The following CCDC122 variants were observed in gnomAD, a reference collection of about 807,000 sequenced individuals.
CCDC122 encodes the protein coiled-coil domain containing 122.
Under a neutral mutation model 37.0 loss-of-function variants are expected in CCDC122, and 38 were observed. The ratio of observed to expected loss-of-function variants is 1.03; its 90% confidence interval spans 0.79 to 1.35. CCDC122 has a LOEUF of 1.35. Among genes scored for constraint, CCDC122 ranks in the 40% most tolerant of loss-of-function variants. The pLI is 0.00. For synonymous variants in CCDC122, 83 were observed against 95.6 expected, an observed-to-expected ratio of 0.87 and a Z score of 0.77; for missense variants, 305 against 310.0, an observed-to-expected ratio of 0.98 and a Z score of 0.12.
intron 4 of CCDC122, among the ~76,000 whole-genome samples, chr13:43,867,532 T>A (rs1702958703): frequency 6.6e-6 from 1 of 152,112 alleles, no homozygotes; most frequent in Non-Finnish European, 1.5e-5. Context: ...TTCTCTAGTG[T>A]TAAATCTGTG....
chr13:43,865,893 A>G (rs2153877448), intron 4 of CCDC122, among the ~76,000 whole-genome samples: 1 of 152,306 alleles, frequency 6.6e-6, no homozygotes, highest in African/African-American at 2.4e-5. Context: ...ACTTAAAGTA[A>G]GTACTTTACA....
At chr13:43,825,998 T>C (rs192064128) in intron 3 of CCDC122, among the ~76,000 whole-genome samples, 73 of 152,338 alleles carry the variant, frequency 4.8e-4, no homozygotes, top group African/African-American at 1.7e-3. Flanking sequence ...GTACTTGGTC[T>C]GGACATGGGC....
rs1441890502 is a variant in CCDC122 at position 43,868,771 on chromosome 13, C to T, written c.79G>A (p.Val27Ile). The T allele has an allele frequency of 3.9e-6, 6 of 1,554,478 alleles. No individual in the cohort carries two copies. Among genetic ancestry groups the T allele is most frequent in the Non-Finnish European group, 5.2e-6 (6 of 1,151,908 alleles). Reference sequence around the variant, plus strand: ...TGTTGTTGCTTTGCAACTTTCTCTACAGCATCAGCTAATGAACTTGTGTCT... The same window carrying T: ...TGTTGTTGCTTTGCAACTTTCTCTATAGCATCAGCTAATGAACTTGTGTCT... ...NQDTSSLADA[V>I]EKVAKQQQSQ... Residue 27 changes from valine to isoleucine, a missense_variant, in exon 4 of 7, where the codon GTA becomes ATA. Physicochemically the swap from Val to Ile is conservative, Grantham distance 29. Coordinates refer to ENST00000444614, the MANE Select transcript of CCDC122 (RefSeq NM_144974.5).
chr13:43,847,928 C>T (rs778745615), intron 6 of CCDC122, among the ~76,000 whole-genome samples: 1 of 152,166 alleles, frequency 6.6e-6, no homozygotes, highest in South Asian at 2.1e-4. Context: ...GCACACACCA[C>T]CATGCACAGC....
downstream of CCDC122, among the ~76,000 whole-genome samples, chr13:43,832,379 T>C (rs1403518314): frequency 6.6e-6 from 1 of 152,138 alleles, no homozygotes; most frequent in African/African-American, 2.4e-5. Flanking sequence ...CAAATCACTA[T>C]AGTATTCACA....
At position 43,828,114 on chromosome 13, in the gene CCDC122, TTC is replaced by T. The variant is rs1659340874; in HGVS notation, n.602-4105_602-4104del. On this transcript the variant is annotated intron_variant and non_coding_transcript_variant, in intron 3 of 3. Transcript: ENST00000470137. ...TGTGCCCATGGAAAGGCTTTTTTTC[TTC>T]TGACTTTTTAGAAGAGGCATTACAT... Among the ~76,000 whole-genome samples, 5 of 152,322 alleles carry T rather than the reference TTC, an allele frequency of 3.3e-5. No individual in the cohort carries two copies. In the South Asian group the frequency reaches 1.0e-3, roughly 32 times the overall value.
At chr13:43,838,494 C>G (rs974787870) in intron 6 of CCDC122, among the ~76,000 whole-genome samples, 14 of 152,154 alleles carry the variant, frequency 9.2e-5, no homozygotes, top group African/African-American at 2.9e-4. Flanking sequence ...TAAAAAACAG[C>G]TTTACAGAAA....
chr13:43,860,977 G>C (rs1191686318), intron 4 of CCDC122, among the ~76,000 whole-genome samples: 1 of 152,146 alleles, frequency 6.6e-6, no homozygotes, highest in African/African-American at 2.4e-5. Flanking sequence ...CAATACATAA[G>C]TATATATTGC....
chr13:43,850,972 C>T (rs1038734612), intron 6 of CCDC122, among the ~76,000 whole-genome samples: 3 of 152,136 alleles, frequency 2.0e-5, no homozygotes, highest in Non-Finnish European at 4.4e-5. Flanking sequence ...AAATACCTTA[C>T]ATATATAGGA....
At chr13:43,844,305 A>G (rs1335588172) in intron 6 of CCDC122, among the ~76,000 whole-genome samples, 1 of 151,960 alleles carries the variant, frequency 6.6e-6, no homozygotes, top group Admixed American at 6.6e-5. Flanking sequence ...GTTATTTAGA[A>G]GTATGGTCAA....
chr13:43,874,204 G>A (rs746745484), intron 2 of CCDC122, among the ~76,000 whole-genome samples: 2 of 152,052 alleles, frequency 1.3e-5, no homozygotes, highest in Non-Finnish European at 2.9e-5. Context: ...TAGCTTATTA[G>A]GAAAATTATT....
At position 43,859,894 on chromosome 13, in the gene CCDC122, T is replaced by C. The variant is rs1241378665; in HGVS notation, c.333A>G (p.Ile111Met). 6.2e-7 allele frequency: 1 copy of C among 1,607,714 alleles called. No individual in the cohort carries two copies. Among genetic ancestry groups the C allele is most frequent in the Non-Finnish European group, 8.5e-7 (1 of 1,177,718 alleles). ...HSENVKLKFD[I>M]ETAQEDFEEH... ...CCTCAAAATCTTCTTGGGCTGTTTC[T>C]ATGTCAAATTTAAGCTTTACATTTT... The change falls in exon 5 of 7, where the codon ATA becomes ATG. Residue 111 changes from isoleucine to methionine, a missense_variant. Coordinates refer to ENST00000444614, the MANE Select transcript of CCDC122 (RefSeq NM_144974.5).
chr13:43,859,227 G>A (rs12874590), intron 5 of CCDC122, among the ~76,000 whole-genome samples: 56,870 of 151,890 alleles, frequency 0.37, 12,800 homozygotes, highest in Non-Finnish European at 0.52. Flanking sequence ...GTCTTCTATC[G>A]TCTTCAAAGA....
chr13:43,851,753 C>T (rs1953740227), intron 6 of CCDC122, among the ~76,000 whole-genome samples: 1 of 152,150 alleles, frequency 6.6e-6, no homozygotes, highest in African/African-American at 2.4e-5. Context: ...CACCTTGGCA[C>T]CCCCAGCACA....
intron 4 of CCDC122, among the ~76,000 whole-genome samples, chr13:43,867,078 C>T (rs1306301711): frequency 6.6e-6 from 1 of 152,014 alleles, no homozygotes; most frequent in Non-Finnish European, 1.5e-5. Context: ...GATGTTCTTC[C>T]TTAGACCAAG....
chr13:43,859,121 A>T (rs1233767721), intron 5 of CCDC122, among the ~76,000 whole-genome samples: 6 of 152,172 alleles, frequency 3.9e-5, no homozygotes. Flanking sequence ...AATAAGACAA[A>T]AAGGAAAGTG....
At chr13:43,872,175 C>A (rs2153880023) in intron 2 of CCDC122, among the ~76,000 whole-genome samples, 1 of 152,020 alleles carries the variant, frequency 6.6e-6, no homozygotes, top group South Asian at 2.1e-4. Flanking sequence ...TTTAACCCCG[C>A]AAGACTTCCA....
At chr13:43,866,305 C>G (rs12865116) in intron 4 of CCDC122, among the ~76,000 whole-genome samples, 56,909 of 152,070 alleles carry the variant, frequency 0.37, 12,815 homozygotes, top group Non-Finnish European at 0.52. Context: ...AATCATTGGA[C>G]ACCAAGTTGG....
intron 6 of CCDC122, among the ~76,000 whole-genome samples, chr13:43,851,977 C>T (rs764026237): frequency 5.9e-5 from 9 of 151,896 alleles, no homozygotes; most frequent in Non-Finnish European, 1.2e-4. Flanking sequence ...CAAAGGTCAG[C>T]AGCTCAGATT....
Sources: gnomAD v4.1 joint callset for allele counts (sites outside exome capture counted in the v4.1 genomes callset) on GRCh38, gnomAD v4.1.1 for gene constraint, MANE v1.5 for transcripts, NCBI Gene and HGNC (gene_info 2026-07-23, HGNC 2026-07-21) for gene names.